KDM4A: variants seen among roughly 807,000 people sequenced by gnomAD.
The protein encoded by KDM4A is lysine-specific demethylase 4A.
A neutral mutation model predicts 127.1 loss-of-function variants in KDM4A; 23 were observed. That is an observed-to-expected ratio of 0.18 (90% CI 0.13 to 0.26). The LOEUF (loss-of-function observed/expected upper bound fraction) is 0.26. KDM4A is among the 10% of genes least tolerant of loss of function. KDM4A has a pLI of 1.00. For missense variants in KDM4A, 890 were observed against 1,329.1 expected, an observed-to-expected ratio of 0.67 and a Z score of 5.14; for synonymous variants, 443 against 466.5, an observed-to-expected ratio of 0.95 and a Z score of 0.65.
chr1:43,651,742 C>A (rs1660118761), intron 1 of KDM4A, among the ~76,000 whole-genome samples: 1 of 152,164 alleles, frequency 6.6e-6, no homozygotes, highest in Non-Finnish European at 1.5e-5. Flanking sequence ...TATGCTTTGT[C>A]TTTTTTCAGT....
At chr1:43,704,189 TC>T in intron 21 of KDM4A, 40 bp from the exon 22 acceptor site, 1 of 1,613,966 alleles carries the variant, frequency 6.2e-7, no homozygotes, top group Non-Finnish European at 8.5e-7. Flanking sequence ...TTTGTATTGT[TC>T]CTGGGGTAGC....
At chr1:43,683,223 C>T (rs1034746221) in intron 11 of KDM4A, among the ~76,000 whole-genome samples, 3 of 152,248 alleles carry the variant, frequency 2.0e-5, no homozygotes, top group Non-Finnish European at 4.4e-5. Flanking sequence ...GCTGCTCACC[C>T]CTTTGGGTGT....
intron 3 of KDM4A, among the ~76,000 whole-genome samples, chr1:43,658,411 G>A (rs1351943540): frequency 6.6e-6 from 1 of 151,694 alleles, no homozygotes; most frequent in Non-Finnish European, 1.5e-5. Context: ...TGACAATAGG[G>A]GAGTTAATTG....
At chr1:43,682,180 G>A (rs1660874483) in intron 11 of KDM4A, among the ~76,000 whole-genome samples, 2 of 152,144 alleles carry the variant, frequency 1.3e-5, no homozygotes, top group South Asian at 4.1e-4. Flanking sequence ...CTGGGCTCAA[G>A]GGATCCGCCT....
intron 19 of KDM4A, among the ~76,000 whole-genome samples, chr1:43,699,205 C>G (rs1661321361): frequency 6.6e-6 from 1 of 151,918 alleles, no homozygotes; most frequent in South Asian, 2.1e-4. Context: ...AAGTGATCCT[C>G]CTGCTTCAGC....
In KDM4A at chr1:43,688,269, C is replaced by G. The variant is rs1003669488; in HGVS notation, c.1856-645C>G. 6.6e-6 allele frequency among the ~76,000 whole-genome samples: 1 copy of G among 152,136 alleles called. No homozygotes were observed. The highest frequency in any genetic ancestry group is 2.4e-5 in the African/African-American group (1 of 41,420). ...TCCTCAGTGGGCTGGATTCAGCCTG[C>G]AGGATATTGTTTGCCAGCGTCAGGC... On this transcript the variant is annotated intron_variant, in intron 12 of 21. Transcript: ENST00000372396. This position sits in a 1 kb window ranked among gnomAD's most constrained non-coding sequence, Gnocchi z 4.4.
At position 43,653,267 on chromosome 1, in the gene KDM4A, T is replaced by C; in HGVS notation, c.92T>C (p.Ile31Thr). The C allele has an allele frequency of 1.9e-6, 3 of 1,613,690 alleles. No individual in the cohort carries two copies. The highest frequency in any genetic ancestry group is 1.1e-5 in the South Asian group (1 of 91,016). The change falls in exon 2 of 22, where the codon ATT becomes ACT. Residue 31 changes from isoleucine to threonine, a missense_variant. Physicochemically the swap from Ile to Thr is moderately conservative, Grantham distance 89 (BLOSUM62 -1). Coordinates refer to ENST00000372396, the MANE Select transcript of KDM4A (RefSeq NM_014663.3). ...MEEFRNFSRY[I>T]AYIESQGAHR... ...GAGTTCCGAAACTTCAGTAGATACA[T>C]TGCCTACATTGAATCCCAAGGAGCT... is the stretch of plus-strand genomic sequence containing the variant.
intron 19 of KDM4A, among the ~76,000 whole-genome samples, chr1:43,699,408 A>G (rs900973952): frequency 6.6e-6 from 1 of 152,082 alleles, no homozygotes; most frequent in African/African-American, 2.4e-5. Flanking sequence ...CCTTGCTGTA[A>G]TTTATTAAGC....
In KDM4A at chr1:43,681,167, G is replaced by A. The variant is rs78785133; in HGVS notation, c.1735-2517G>A. Among the ~76,000 whole-genome samples, 1,480 of 152,062 alleles carry A rather than the reference G, an allele frequency of 9.7e-3. 24 individuals carry two copies. The highest frequency in any genetic ancestry group is 0.035 in the African/African-American group (1,441 of 41,452). On this transcript the variant is annotated intron_variant, in intron 11 of 21. Coordinates refer to ENST00000372396, the MANE Select transcript of KDM4A (RefSeq NM_014663.3). ...CAAAAAACAGTCCTCATAGCTCCCC[G>A]TTGCTGAGTGAGTCCCTTGGCCACT...
rs1305661852 is a variant in KDM4A, at chr1:43,704,718, C to T, written c.*348C>T. 2 of 278,752 alleles carry T rather than the reference C, an allele frequency of 7.2e-6. No homozygotes were observed. The highest frequency in any genetic ancestry group is 4.9e-5 in the Admixed American group (1 of 20,240). 17.3% of individuals were successfully genotyped at this position (278,752 alleles called of 1,614,324 possible). ...TTAGCTTCATAACTATCACCTGCAC[C>T]GACTAGGCTGAGGTGCTGGTACTTG... is the stretch of plus-strand genomic sequence containing the variant. On this transcript the variant is annotated 3_prime_UTR_variant, in exon 22 of 22. Transcript: ENST00000372396.
rs1661500553 is a variant in KDM4A at position 43,704,579 on chromosome 1, G to A, written c.*209G>A. On this transcript the variant is annotated 3_prime_UTR_variant, in exon 22 of 22. Transcript: ENST00000372396. ...CATTTCTGGGCACGTGGCAGCAGTC[G>A]CTGATCTCCCAGCTGAGGGGCTGAG... 8.9e-6 allele frequency: 5 copies of A among 564,328 alleles called. No individual in the cohort carries two copies. The highest frequency in any genetic ancestry group is 4.7e-4 in the Middle Eastern group (1 of 2,150). 35.0% of individuals were successfully genotyped at this position (564,328 alleles called of 1,614,324 possible).
At position 43,671,557 on chromosome 1, in the gene KDM4A, A is replaced by T; in HGVS notation, c.1416A>T (p.Leu472=). The T allele has an allele frequency of 6.3e-7, 1 of 1,599,060 alleles. No homozygotes were observed. The highest frequency in any genetic ancestry group is 8.5e-7 in the Non-Finnish European group (1 of 1,174,242). Residue 472 remains leucine (L), a synonymous_variant, in exon 11 of 22, where the codon CTA becomes CTT. Coordinates refer to ENST00000372396, the MANE Select transcript of KDM4A (RefSeq NM_014663.3). ...VKFEELKNVK[L]EEEDEEEEQA... ...TTGAAGAGCTTAAAAATGTCAAACT[A>T]GAAGAGGAGGATGAGGAGGAAGAAC... is the stretch of plus-strand genomic sequence containing the variant.
chr1:43,683,343 G>T (rs962568076), intron 11 of KDM4A, among the ~76,000 whole-genome samples: 2 of 152,208 alleles, frequency 1.3e-5, no homozygotes, highest in African/African-American at 4.8e-5. Flanking sequence ...TCTCTCACTT[G>T]GGCCACCTTG....
Position 43,667,941 on chromosome 1 carries a change from G to A in KDM4A, c.1085G>A (p.Arg362Lys). Residue 362 changes from arginine to lysine, a missense_variant, in exon 9 of 22, where the codon AGA becomes AAA. By Grantham distance (26) the Arg-to-Lys change is conservative (BLOSUM62 2). This residue lies in a region of KDM4A where 389 missense variants were observed against 485.9 expected (regional missense o/e 0.80). Coordinates refer to ENST00000372396, the MANE Select transcript of KDM4A (RefSeq NM_014663.3). ...CTTAAGGAGAGTGAACTGCCTCCAA[G>A]AGCTGGCAACGAGGAGGAGTGCCCA... ...EFLKESELPPRAGNEEECPEE... is the reference protein window; with the variant it reads ...EFLKESELPPKAGNEEECPEE... The A allele has an allele frequency of 6.2e-7, 1 of 1,614,156 alleles. No homozygotes were observed.
At position 43,692,239 on chromosome 1, in the gene KDM4A, C is replaced by T. The variant is rs1461027066; in HGVS notation, c.2320-17C>T. 3 of 1,613,654 alleles carry T rather than the reference C, an allele frequency of 1.9e-6. No homozygotes were observed. The highest frequency in any genetic ancestry group is 2.2e-5 in the East Asian group (1 of 44,888). Reference sequence around the variant, plus strand: ...CTTGGTATTAACCACTTTTTCCTCCCTCTCCTTTCTTGGCAGGACTGCTGT... The same window carrying T: ...CTTGGTATTAACCACTTTTTCCTCCTTCTCCTTTCTTGGCAGGACTGCTGT... On this transcript the variant is annotated splice_polypyrimidine_tract_variant and intron_variant, in intron 15 of 21. Coordinates refer to ENST00000372396, the MANE Select transcript of KDM4A (RefSeq NM_014663.3).
rs774603186 is a variant in KDM4A at position 43,704,088 on chromosome 1, T to G, written c.3030T>G (p.Leu1010=). 1 of 1,614,098 alleles carries G rather than the reference T, an allele frequency of 6.2e-7. No individual in the cohort carries two copies. The highest frequency in any genetic ancestry group is 1.7e-5 in the Admixed American group (1 of 60,002). Residue 1010 remains leucine (L), a synonymous_variant, in exon 21 of 22, where the codon CTT becomes CTG. Transcript: ENST00000372396. Reference sequence around the variant, plus strand: ...ATGTATACACACTGGATGAAGAGCTTCCCAAGAGAGTCAAATCTAGACTGG... The same window carrying G: ...ATGTATACACACTGGATGAAGAGCTGCCCAAGAGAGTCAAATCTAGACTGG... ...RDDVYTLDEE[L]PKRVKSRLSV...
chr1:43,653,528 G>C (rs1048003737), intron 2 of KDM4A: 13 of 405,718 alleles, frequency 3.2e-5, no homozygotes, highest in African/African-American at 6.2e-5. Flanking sequence ...CTTCAGAAAG[G>C]GGGAGGTAAA....
intron 4 of KDM4A, among the ~76,000 whole-genome samples, chr1:43,661,515 A>C (rs1004656136): frequency 2.2e-4 from 31 of 144,106 alleles, no homozygotes; most frequent in Non-Finnish European, 3.8e-4. Flanking sequence ...CTGAGGCAGG[A>C]GAATGGTGTG....
At chr1:43,697,048 AG>A (rs1214886295) in intron 18 of KDM4A, among the ~76,000 whole-genome samples, 1 of 152,260 alleles carries the variant, frequency 6.6e-6, no homozygotes, top group Non-Finnish European at 1.5e-5. Flanking sequence ...AAGATGAAGT[AG>A]TAAGGAATGA....
Sources: allele counts gnomAD v4.1 joint callset (sites outside exome capture counted in the v4.1 genomes callset), GRCh38; gene constraint gnomAD v4.1.1; regional missense constraint gnomAD v4.1.1; non-coding constraint Gnocchi (gnomAD v3.1); transcripts MANE v1.5; gene names NCBI Gene and HGNC (gene_info 2026-07-23, HGNC 2026-07-21).